The following PACRGL variants were observed in gnomAD, a reference collection of about 807,000 sequenced individuals.
PACRGL encodes the protein parkin coregulated like, also known as PACRG-like protein.
PACRGL carries 38 observed loss-of-function variants against 34.5 expected under a neutral mutation model. The observed-to-expected ratio is 1.10, with a 90% confidence interval of 0.85 to 1.44. The LOEUF is 1.44. Ranked by LOEUF, PACRGL falls within the 40% of genes most tolerant of loss-of-function variation. PACRGL has a pLI of 0.00. For synonymous variants in PACRGL, 128 were observed against 100.1 expected (o/e 1.28, Z -1.66); for missense variants, 305 against 281.4 (o/e 1.08, Z -0.60).
chr4:20,765,350 G>A, the PACRGL span, among the ~76,000 whole-genome samples: 2 of 152,124 alleles, frequency 1.3e-5, no homozygotes, highest in Admixed American at 1.3e-4. Context: ...AGATGTACAC[G>A]GTGTATTTGT....
the PACRGL span, among the ~76,000 whole-genome samples, chr4:20,759,349 C>A: frequency 6.6e-6 from 1 of 152,146 alleles, no homozygotes; most frequent in African/African-American, 2.4e-5. Flanking sequence ...GAAGCTTCAA[C>A]CAGTAATAGA....
chr4:20,733,690 A>G (rs1748901731), downstream of PACRGL, among the ~76,000 whole-genome samples: 1 of 152,202 alleles, frequency 6.6e-6, no homozygotes, highest in African/African-American at 2.4e-5. Flanking sequence ...GTATCTGGGT[A>G]ATAAATATTC....
intron 8 of PACRGL, among the ~76,000 whole-genome samples, chr4:20,749,953 A>G (rs1460130527): frequency 6.6e-6 from 1 of 152,210 alleles, no homozygotes; most frequent in Non-Finnish European, 1.5e-5. Flanking sequence ...AACATTCTCT[A>G]TGAGTTTCTG....
chr4:20,748,415 GC>G (rs969319126), intron 8 of PACRGL, among the ~76,000 whole-genome samples: 9 of 151,768 alleles, frequency 5.9e-5, no homozygotes, highest in Non-Finnish European at 1.5e-5. Context: ...AGGCTTCCCT[GC>G]TACAGCCCCT....
At chr4:20,724,466 T>C (rs1290525917) in intron 7 of PACRGL, among the ~76,000 whole-genome samples, 4 of 152,156 alleles carry the variant, frequency 2.6e-5, no homozygotes, top group Non-Finnish European at 5.9e-5. Flanking sequence ...TCTTCCCTTT[T>C]TATTGCAGGA....
At position 20,727,393 on chromosome 4, in the gene PACRGL, T is replaced by A. The variant is rs943347146; in HGVS notation, c.*52T>A. 19 of 1,377,028 alleles carry A rather than the reference T, an allele frequency of 1.4e-5. No individual in the cohort carries two copies. The Admixed American group carries it at 2.4e-4, about 17-fold the overall frequency. 85.3% of individuals were successfully genotyped at this position (1,377,028 alleles called of 1,614,324 possible). ...TTCTACCTGTTGACGTGTCAAGCAC[T>A]AACTGTGGGTACTCATTTATTTTAT... On this transcript the variant is annotated 3_prime_UTR_variant, in exon 9 of 9. Transcript: ENST00000503585.
At chr4:20,733,492 G>A (rs1354040589), downstream of PACRGL, among the ~76,000 whole-genome samples, 4 of 152,104 alleles carry the variant, frequency 2.6e-5, no homozygotes, top group Non-Finnish European at 4.4e-5. Flanking sequence ...AATACAGAGC[G>A]AATATATATT....
intron 8 of PACRGL, among the ~76,000 whole-genome samples, chr4:20,744,592 G>A (rs1751987244): frequency 1.3e-5 from 2 of 151,098 alleles, no homozygotes; most frequent in Non-Finnish European, 1.5e-5. Flanking sequence ...ATAGGATGGA[G>A]AACATCACAC....
At chr4:20,759,071 GA>G in the PACRGL span, among the ~76,000 whole-genome samples, 1 of 149,984 alleles carries the variant, frequency 6.7e-6, no homozygotes, top group Admixed American at 6.6e-5. Flanking sequence ...GTTCTCACAA[GA>G]AAAAAAAACG....
Position 20,724,844 on chromosome 4 carries a change from C to A in PACRGL, c.646C>A (p.Pro216Thr). 1 of 1,499,514 alleles carries A rather than the reference C, an allele frequency of 6.7e-7. No individual in the cohort carries two copies. The highest frequency in any genetic ancestry group is 8.8e-7 in the Non-Finnish European group (1 of 1,132,920). 92.9% of individuals were successfully genotyped at this position (1,499,514 alleles called of 1,614,324 possible). ...KRLMDKKFKE[P>T]ITSALQKLEQ... is the part of the protein sequence containing the mutation. ...ATTAATGGACAAGAAATTCAAAGAG[C>A]CAATCACCAGCGCATTACAAAAGCT... is the stretch of plus-strand genomic sequence containing the variant. The change falls in exon 8 of 9, where the codon CCA (proline) becomes ACA (threonine). Residue 216 changes from proline to threonine, a missense_variant. Coordinates refer to ENST00000503585, the MANE Select transcript of PACRGL (RefSeq NM_001258345.3).
intron 7 of PACRGL, among the ~76,000 whole-genome samples, chr4:20,715,240 A>G (rs1013450546): frequency 1.2e-4 from 18 of 152,058 alleles, no homozygotes; most frequent in African/African-American, 3.9e-4. Context: ...ACATGGACAC[A>G]GGAAGGGTAA....
downstream of PACRGL, among the ~76,000 whole-genome samples, chr4:20,753,077 C>T (rs1345021634): frequency 2.6e-5 from 4 of 152,158 alleles, no homozygotes; most frequent in Non-Finnish European, 5.9e-5. Context: ...ACTTGTGAAG[C>T]TGAAAAATAA....
chr4:20,758,178 G>T, the PACRGL span, among the ~76,000 whole-genome samples: 1 of 152,144 alleles, frequency 6.6e-6, no homozygotes, highest in Non-Finnish European at 1.5e-5. Context: ...CCAATGGCAA[G>T]AATATCTTTT....
At position 20,705,314 on chromosome 4, in the gene PACRGL, C is replaced by A. The variant is rs977690659; in HGVS notation, c.207+500C>A. 2.6e-5 allele frequency among the ~76,000 whole-genome samples: 4 copies of A among 152,082 alleles called. No homozygotes were observed. In the East Asian group the frequency reaches 7.7e-4, roughly 29 times the overall value. On this transcript the variant is annotated intron_variant, in intron 3 of 8. Coordinates refer to ENST00000503585, the MANE Select transcript of PACRGL (RefSeq NM_001258345.3). Reference sequence around the variant, plus strand: ...TAAAAATATTCAGAAGTGAACACACCTGTGCAACAACACCAGGTGTTATTT... The same window carrying A: ...TAAAAATATTCAGAAGTGAACACACATGTGCAACAACACCAGGTGTTATTT...
At chr4:20,764,709 A>ACACAC in the PACRGL span, among the ~76,000 whole-genome samples, 8 of 92,528 alleles carry the variant, frequency 8.6e-5, no homozygotes, top group Non-Finnish European at 1.3e-4. Flanking sequence ...CACACACACA[A>ACACAC]CCCCATGAAC....
intron 8 of PACRGL, among the ~76,000 whole-genome samples, chr4:20,742,801 T>C (rs1406419755): frequency 6.6e-6 from 1 of 152,164 alleles, no homozygotes; most frequent in African/African-American, 2.4e-5. Flanking sequence ...GACATGATTG[T>C]ATATTTAGAA....
chr4:20,707,281 A>T (rs529710395), intron 3 of PACRGL, among the ~76,000 whole-genome samples: 2,486 of 152,280 alleles, frequency 0.016, 1 homozygote, highest in African/African-American at 0.057. Flanking sequence ...CTGAAAGGTT[A>T]TGAAGTTATA....
In PACRGL at chr4:20,704,450, T is replaced by G; in HGVS notation, c.-16-16T>G. The G allele has an allele frequency of 6.2e-7, 1 of 1,606,740 alleles. No homozygotes were observed. Among genetic ancestry groups the G allele is most frequent in the Non-Finnish European group, 8.5e-7 (1 of 1,177,998 alleles). ...AAACAAATTTTGAAATCAACTTTTT[T>G]TTTTTTAAACTGCAGGAGTGAAAGG... On this transcript the variant is annotated splice_polypyrimidine_tract_variant and intron_variant, in intron 1 of 8. Coordinates refer to ENST00000503585, the MANE Select transcript of PACRGL (RefSeq NM_001258345.3).
At chr4:20,724,956 T>C in intron 8 of PACRGL, 68 bp downstream of exon 8, 1 of 881,662 alleles carries the variant, frequency 1.1e-6, no homozygotes, top group Non-Finnish European at 1.6e-6. Context: ...TTGACATATA[T>C]ATATATTTAA....
Sources: gnomAD v4.1 joint callset for allele counts (sites outside exome capture counted in the v4.1 genomes callset) on GRCh38, gnomAD v4.1.1 for gene constraint, MANE v1.5 for transcripts, NCBI Gene and HGNC (gene_info 2026-07-23, HGNC 2026-07-21) for gene names.